Variants in CSTPP1 observed in about 807,000 individuals in gnomAD.
The protein encoded by CSTPP1 is centriolar satellite-associated tubulin polyglutamylase complex regulator 1, also known as UPF0705 protein C11orf49.
chr11:47,069,328 C>G, the CSTPP1 span, among the ~76,000 whole-genome samples: 1 of 152,190 alleles, frequency 6.6e-6, no homozygotes, highest in Non-Finnish European at 1.5e-5. Context: ...TTATCATGCT[C>G]TGCTGCTAAA....
At chr11:47,107,176 G>A in the CSTPP1 span, among the ~76,000 whole-genome samples, 2 of 152,116 alleles carry the variant, frequency 1.3e-5, no homozygotes, top group Non-Finnish European at 2.9e-5. Flanking sequence ...TGTATACTCA[G>A]GCACACCAGA....
At chr11:47,028,740 GCTTTAGGCTTC>G in the CSTPP1 span, among the ~76,000 whole-genome samples, 1 of 152,298 alleles carries the variant, frequency 6.6e-6, no homozygotes, top group South Asian at 2.1e-4. Context: ...ACATTTCAGG[GCTTTAGGCTTC>G]CTCTGAATTT....
chr11:47,028,083 C>T, the CSTPP1 span, among the ~76,000 whole-genome samples: 1 of 152,082 alleles, frequency 6.6e-6, no homozygotes, highest in East Asian at 1.9e-4. Context: ...GCCACCATGC[C>T]TGGCTAATTT....
chr11:47,001,113 C>T, the CSTPP1 span, among the ~76,000 whole-genome samples: 1 of 152,116 alleles, frequency 6.6e-6, no homozygotes, highest in Non-Finnish European at 1.5e-5. Flanking sequence ...GGGTGATGCA[C>T]CTTTTCTTTG....
chr11:47,106,751 G>A, the CSTPP1 span, among the ~76,000 whole-genome samples: 3 of 152,064 alleles, frequency 2.0e-5, no homozygotes, highest in Admixed American at 6.6e-5. Context: ...CCACAGAATG[G>A]TACCCAAAGC....
At chr11:47,108,934 T>C in the CSTPP1 span, 1 of 152,244 alleles carries the variant, frequency 6.6e-6, no homozygotes, top group African/African-American at 2.4e-5. Context: ...CTTGAACTCC[T>C]GACCTCAAGT....
the CSTPP1 span, among the ~76,000 whole-genome samples, chr11:46,959,059 T>TA: frequency 6.6e-6 from 1 of 152,174 alleles, no homozygotes; most frequent in Non-Finnish European, 1.5e-5. Flanking sequence ...CAAGTTGACA[T>TA]AAAAAAATTC....
At chr11:47,040,066 C>T in the CSTPP1 span, among the ~76,000 whole-genome samples, 3 of 128,614 alleles carry the variant, frequency 2.3e-5, 1 homozygote, top group Admixed American at 2.5e-4. Flanking sequence ...TTTATAGTGG[C>T]AAAACCTGGC....
chr11:47,039,459 AGAGAGGGAGAGGGAGACCGTGGGGAGAGG>A, the CSTPP1 span, among the ~76,000 whole-genome samples: 2 of 126,302 alleles, frequency 1.6e-5, 1 homozygote, highest in Non-Finnish European at 3.7e-5. Context: ...GAGACCGTGG[AGAGAGGGAGAGGGAGACCGTGGGGAGAGG>A]GAGAGGGAGA....
chr11:47,032,559 A>C, the CSTPP1 span, among the ~76,000 whole-genome samples: 524 of 152,326 alleles, frequency 3.4e-3, 1 homozygote, highest in African/African-American at 0.012. Flanking sequence ...ACTCACAAAT[A>C]AATTTTAATT....
the CSTPP1 span, among the ~76,000 whole-genome samples, chr11:46,971,586 C>A: frequency 3.3e-5 from 5 of 151,564 alleles, no homozygotes; most frequent in Non-Finnish European, 7.4e-5. Context: ...GAAAATAATC[C>A]AAAAAGAATT....
the CSTPP1 span, chr11:47,137,748 T>C: frequency 6.2e-7 from 1 of 1,609,834 alleles, no homozygotes; most frequent in Non-Finnish European, 8.5e-7. Flanking sequence ...CCTGGACTCT[T>C]GAAACCAACT....
chr11:46,992,808 G>T, the CSTPP1 span, among the ~76,000 whole-genome samples: 1 of 152,156 alleles, frequency 6.6e-6, no homozygotes, highest in Non-Finnish European at 1.5e-5. Context: ...TTGAGGAATC[G>T]CCACACTGTC....
chr11:47,051,169 A>C, the CSTPP1 span, among the ~76,000 whole-genome samples: 1 of 151,942 alleles, frequency 6.6e-6, no homozygotes, highest in African/African-American at 2.4e-5. Context: ...CGTTCCCCCC[A>C]TTGCTTGCCA....
chr11:46,971,257 G>T, the CSTPP1 span, among the ~76,000 whole-genome samples: 2,313 of 152,284 alleles, frequency 0.015, 62 homozygotes, highest in African/African-American at 0.053. Context: ...AAGGAGAAAG[G>T]TAAGTTAACT....
At chr11:47,066,684 A>G in the CSTPP1 span, among the ~76,000 whole-genome samples, 1 of 152,374 alleles carries the variant, frequency 6.6e-6, no homozygotes, top group East Asian at 1.9e-4. Context: ...CAGCTAGCCC[A>G]CCATATTTGT....
chr11:47,007,540 G>A, the CSTPP1 span, among the ~76,000 whole-genome samples: 1 of 151,718 alleles, frequency 6.6e-6, no homozygotes, highest in Non-Finnish European at 1.5e-5. Context: ...CTTGAACATA[G>A]TAAATAAAGC....
At chr11:47,161,015 G>A in the CSTPP1 span, 1 of 1,388,312 alleles carries the variant, frequency 7.2e-7, no homozygotes, top group Non-Finnish European at 1.0e-6. Flanking sequence ...CTTTAGATCG[G>A]CCCTCGCAGG....
chr11:47,100,003 G>A, the CSTPP1 span, among the ~76,000 whole-genome samples: 1 of 152,032 alleles, frequency 6.6e-6, no homozygotes, highest in African/African-American at 2.4e-5. Flanking sequence ...TTGCTCTGAT[G>A]TTCAAGACTT....
Sources: gnomAD v4.1 joint callset for allele counts (sites outside exome capture counted in the v4.1 genomes callset) on GRCh38, gnomAD v4.1.1 for gene constraint, MANE v1.5 for transcripts, NCBI Gene and HGNC (gene_info 2026-07-23, HGNC 2026-07-21) for gene names.